The following SDK1 variants were observed in gnomAD, a reference collection of about 807,000 sequenced individuals.
SDK1 encodes the protein sidekick cell adhesion molecule 1.
SDK1 carries 157 observed loss-of-function variants against 245.5 expected under a neutral mutation model. The ratio of observed to expected loss-of-function variants is 0.64; its 90% CI spans 0.56 to 0.73. The LOEUF is 0.73. SDK1 is among the 30% of genes least tolerant of loss of function. SDK1 has a pLI of 0.00. For missense variants in SDK1, 3,583 were observed against 3,002.3 expected (o/e 1.19, Z -4.52); for synonymous variants, 1,647 against 1,278.5 (o/e 1.29, Z -6.15).
intron 1 of SDK1, among the ~76,000 whole-genome samples, chr7:3,503,089 T>C (rs552253551): frequency 8.5e-5 from 13 of 152,322 alleles, no homozygotes; most frequent in African/African-American, 3.1e-4. Flanking sequence ...TTAATTAAAA[T>C]TGTATGGAGA....
Position 3,987,192 on chromosome 7 carries a change from G to C in SDK1, c.2001G>C (p.Leu667=), listed in dbSNP as rs1174625486. 7 of 1,614,010 alleles carry C rather than the reference G, an allele frequency of 4.3e-6. No individual in the cohort carries two copies. The highest frequency in any genetic ancestry group is 5.9e-6 in the Non-Finnish European group (7 of 1,179,976). ...TCATCCCATTCAATTCAAGTGAACT[G>C]CCTCATTCACCTCAGAACCTCCTGG... ...SRMARLEVIE[L]PHSPQNLLVS... The change falls in exon 14 of 45, where the codon CTG becomes CTC. Residue 667 remains leucine (L), a synonymous_variant. Coordinates refer to ENST00000404826, the MANE Select transcript of SDK1 (RefSeq NM_152744.4).
intron 1 of SDK1, among the ~76,000 whole-genome samples, chr7:3,438,161 G>A (rs1395577225): frequency 6.6e-6 from 1 of 152,102 alleles, no homozygotes; most frequent in Admixed American, 6.5e-5. Flanking sequence ...GCATTGCATG[G>A]TCTTTTTGTT....
chr7:3,719,402 C>G (rs1222622035), intron 4 of SDK1, among the ~76,000 whole-genome samples: 1 of 152,008 alleles, frequency 6.6e-6, no homozygotes, highest in Non-Finnish European at 1.5e-5. Context: ...CTTACTGTAT[C>G]CTGACAGTAA....
intron 5 of SDK1, among the ~76,000 whole-genome samples, chr7:3,942,157 A>C (rs1003272238): frequency 1.3e-5 from 2 of 152,020 alleles, no homozygotes; most frequent in African/African-American, 2.4e-5. Context: ...CCGCCCACCC[A>C]AGCCTCCCAA....
intron 4 of SDK1, among the ~76,000 whole-genome samples, chr7:3,654,121 A>T (rs551968038): frequency 1.1e-3 from 168 of 152,126 alleles, no homozygotes; most frequent in Non-Finnish European, 2.0e-3. Flanking sequence ...TGTAGAGAAT[A>T]TGCTGGAGCC....
intron 25 of SDK1, among the ~76,000 whole-genome samples, chr7:4,116,226 C>A (rs1479053043): frequency 6.6e-6 from 1 of 152,142 alleles, no homozygotes; most frequent in East Asian, 1.9e-4. Context: ...GACTTGGAGC[C>A]CTGGGCGGTG....
rs778333864 is a variant in SDK1, at chr7:4,012,192, C to G, written c.2377C>G (p.Pro793Ala). The G allele has an allele frequency of 1.3e-6, 2 of 1,569,516 alleles. No individual in the cohort carries two copies. Among genetic ancestry groups the G allele is most frequent in the Non-Finnish European group, 1.7e-6 (2 of 1,158,856 alleles). Residue 793 changes from proline to alanine, a missense_variant, in exon 16 of 45, where the codon CCA (proline) becomes GCA (alanine). Pro to Ala is a conservative substitution (Grantham distance 27, BLOSUM62 -1). Coordinates refer to ENST00000404826, the MANE Select transcript of SDK1 (RefSeq NM_152744.4). ...CATTATGGTCCAGTGGCAGCCACCC[C>G]CAGAAACAGAGCACAACGGGGTGTT... ...QSIMVQWQPPPETEHNGVLRG... is the reference protein window; with the variant it reads ...QSIMVQWQPPAETEHNGVLRG...
Position 4,052,490 on chromosome 7 carries a change from C to T in SDK1, c.2911+660C>T, listed in dbSNP as rs181971053. On this transcript the variant is annotated intron_variant, in intron 19 of 44. Transcript: ENST00000404826. The stretch of plus-strand genomic sequence containing the variant: ...ATTGGGAAAAAGTATAGAATGACAA[C>T]ATAAGAAATATTTTGTAGTTGTTGA... Among the ~76,000 whole-genome samples the T allele has an allele frequency of 4.7e-3, 718 of 152,074 alleles. 5 individuals are homozygous for T. The highest frequency in any genetic ancestry group is 0.017 in the Middle Eastern group (5 of 292).
intron 1 of SDK1, among the ~76,000 whole-genome samples, chr7:3,537,913 C>A (rs1778934581): frequency 6.6e-6 from 1 of 152,126 alleles, no homozygotes; most frequent in Non-Finnish European, 1.5e-5. Context: ...TGGCAGATAC[C>A]CCAGAGTCTC....
At chr7:3,996,446 A>C (rs1464714390) in intron 14 of SDK1, among the ~76,000 whole-genome samples, 1 of 152,178 alleles carries the variant, frequency 6.6e-6, no homozygotes, top group East Asian at 1.9e-4. Flanking sequence ...TAAACCTATA[A>C]ATTGTTTTAT....
chr7:3,490,064 A>G (rs1289156626), intron 1 of SDK1, among the ~76,000 whole-genome samples: 1 of 152,188 alleles, frequency 6.6e-6, no homozygotes, highest in Non-Finnish European at 1.5e-5. Context: ...ACTTGCTTTC[A>G]AGCTGGAATT....
At chr7:3,798,794 G>C (rs1283783505) in intron 4 of SDK1, among the ~76,000 whole-genome samples, 5 of 152,164 alleles carry the variant, frequency 3.3e-5, no homozygotes, top group Admixed American at 1.3e-4. Flanking sequence ...AAGGAGAAGT[G>C]TCAGTGACTT....
intron 1 of SDK1, among the ~76,000 whole-genome samples, chr7:3,449,634 T>C (rs1475915967): frequency 6.6e-6 from 1 of 152,204 alleles, no homozygotes; most frequent in East Asian, 1.9e-4. Context: ...ATGTGCTACA[T>C]TCCTAGGATA....
At chr7:4,048,020 G>T (rs1242389150) in intron 17 of SDK1, among the ~76,000 whole-genome samples, 1 of 152,180 alleles carries the variant, frequency 6.6e-6, no homozygotes, top group Non-Finnish European at 1.5e-5. Flanking sequence ...GGGACAGAGG[G>T]TCCTCCTGCA....
intron 1 of SDK1, among the ~76,000 whole-genome samples, chr7:3,616,749 A>C (rs181154504): frequency 6.6e-6 from 1 of 152,170 alleles, no homozygotes; most frequent in Non-Finnish European, 1.5e-5. Flanking sequence ...TTATATTTAA[A>C]TTCTATATAT....
intron 28 of SDK1, among the ~76,000 whole-genome samples, chr7:4,143,073 C>G (rs912875981): frequency 1.3e-5 from 2 of 152,146 alleles, no homozygotes; most frequent in South Asian, 4.1e-4. Context: ...AGGTAGTTAA[C>G]TCAATCAGGC....
intron 7 of SDK1, among the ~76,000 whole-genome samples, chr7:3,957,774 A>T (rs2128127977): frequency 6.6e-6 from 1 of 152,344 alleles, no homozygotes; most frequent in Admixed American, 6.5e-5. Context: ...AGCTTGAAAA[A>T]GGTAGACATT....
At chr7:3,404,058 G>T (rs1436303200) in intron 1 of SDK1, among the ~76,000 whole-genome samples, 1 of 151,018 alleles carries the variant, frequency 6.6e-6, no homozygotes, top group Non-Finnish European at 1.5e-5. Flanking sequence ...TAGCATTATG[G>T]CTAACAAGAG....
intron 14 of SDK1, among the ~76,000 whole-genome samples, chr7:3,991,741 G>A (rs115400698): frequency 6.6e-6 from 1 of 152,168 alleles, no homozygotes; most frequent in Non-Finnish European, 1.5e-5. Flanking sequence ...CCTCCTGCCT[G>A]TTCTGATTTC....
Sources: gnomAD v4.1 joint callset for allele counts (sites outside exome capture counted in the v4.1 genomes callset) on GRCh38, gnomAD v4.1.1 for gene constraint, MANE v1.5 for transcripts, NCBI Gene and HGNC (gene_info 2026-07-23, HGNC 2026-07-21) for gene names.